Variants in IQCH observed in about 807,000 individuals in gnomAD.
IQCH encodes the protein IQ domain-containing protein H.
In IQCH, 98 loss-of-function variants were observed where a neutral mutation model predicts 117.0. The ratio of observed to expected loss-of-function variants is 0.84; its 90% CI spans 0.71 to 0.99. The LOEUF (loss-of-function observed/expected upper bound fraction) is 0.99, where lower values mean the gene tolerates loss of function less well. IQCH is among the 50% of genes least tolerant of loss of function. The pLI, the probability that IQCH is intolerant of heterozygous loss-of-function variation, is 0.00. For synonymous variants in IQCH, 412 were observed against 448.2 expected, an observed-to-expected ratio of 0.92 and a Z score of 1.02; for missense variants, 1,102 against 1,243.8, an observed-to-expected ratio of 0.89 and a Z score of 1.72.
chr15:67,492,705 G>A (rs1349383858), intron 19 of IQCH, among the ~76,000 whole-genome samples: 1 of 152,144 alleles, frequency 6.6e-6, no homozygotes, highest in Admixed American at 6.5e-5. Flanking sequence ...CGTGTGTCCT[G>A]GAATTGATGG....
rs1252536040 is a variant in IQCH, at chr15:67,385,809, A to G, written c.1456+790A>G. On this transcript the variant is annotated intron_variant, in intron 11 of 20. Transcript: ENST00000335894. This position sits in a 1 kb window ranked among gnomAD's most constrained non-coding sequence, Gnocchi z 4.6. ...AAAATTAGATTTGTATTAGTTACCA[A>G]ATAAGAACTTCTTTGCTTTGTTAAA... 6.6e-6 allele frequency among the ~76,000 whole-genome samples: 1 copy of G among 152,238 alleles called. No individual in the cohort carries two copies. Among genetic ancestry groups the G allele is most frequent in the African/African-American group, 2.4e-5 (1 of 41,464 alleles).
At chr15:67,347,902 G>A (rs1021617285) in intron 6 of IQCH, among the ~76,000 whole-genome samples, 1 of 146,674 alleles carries the variant, frequency 6.8e-6, no homozygotes, top group African/African-American at 2.5e-5. Context: ...TATATATATA[G>A]AGAGAGATTA....
At chr15:67,266,171 C>T (rs1965660474) in intron 3 of IQCH, among the ~76,000 whole-genome samples, 2 of 150,148 alleles carry the variant, frequency 1.3e-5, no homozygotes, top group Admixed American at 6.6e-5. Context: ...ATAGTGAATA[C>T]ATTATAAAAT....
chr15:67,389,925 G>C (rs559544775), intron 12 of IQCH, among the ~76,000 whole-genome samples: 1 of 150,958 alleles, frequency 6.6e-6, no homozygotes, highest in African/African-American at 2.4e-5. Flanking sequence ...AGGCCTGCCA[G>C]GACTGGGGGA....
At chr15:67,371,969 GA>G in intron 8 of IQCH, 141 bp from the exon 9 acceptor site, 1 of 697,366 alleles carries the variant, frequency 1.4e-6, no homozygotes, top group Non-Finnish European at 2.3e-6. Flanking sequence ...TTCGTATTAT[GA>G]CGTGTGTGTT....
At chr15:67,309,648 A>G (rs956589539) in intron 4 of IQCH, among the ~76,000 whole-genome samples, 6 of 151,878 alleles carry the variant, frequency 4.0e-5, no homozygotes, top group African/African-American at 1.2e-4. Flanking sequence ...TGCTGGTACT[A>G]CTGGATTCCT....
Position 67,254,892 on chromosome 15 carries a change from T to C in IQCH, c.-5T>C, listed in dbSNP as rs1596031480. 6.2e-7 allele frequency: 1 copy of C among 1,613,534 alleles called. No individual in the cohort carries two copies. ...CCGCGGAGGTAGCCGTTCCCTGACC[T>C]AGCCATGGCACAGAACACTGAAAAC... On this transcript the variant is annotated 5_prime_UTR_variant, in exon 1 of 21. Transcript: ENST00000335894.
At chr15:67,354,559 G>C (rs1969805124) in intron 6 of IQCH, among the ~76,000 whole-genome samples, 1 of 152,090 alleles carries the variant, frequency 6.6e-6, no homozygotes, top group Admixed American at 6.6e-5. Context: ...ACAAGTCAAG[G>C]ATGATCATTG....
Position 67,496,266 on chromosome 15 carries a change from T to TG in IQCH, c.2970+1903dup. ...TGGGAGGTTGAGGCTGCAGTGAGTC[T>TG]GGGTGATGGGAGTAAGAATAAAAAA... On this transcript the variant is annotated intron_variant, in intron 20 of 20. Coordinates refer to ENST00000335894, the MANE Select transcript of IQCH (RefSeq NM_001031715.3). This position sits in a 1 kb window ranked among gnomAD's most constrained non-coding sequence, Gnocchi z 4.4. Among the ~76,000 whole-genome samples the TG allele has an allele frequency of 6.6e-6, 1 of 152,236 alleles. No homozygotes were observed. Among genetic ancestry groups the TG allele is most frequent in the Middle Eastern group, 3.4e-3 (1 of 294 alleles).
chr15:67,319,931 C>T (rs937366059), intron 4 of IQCH, among the ~76,000 whole-genome samples: 4 of 152,196 alleles, frequency 2.6e-5, no homozygotes, highest in African/African-American at 9.6e-5. Flanking sequence ...TAAAAATTGG[C>T]TTCATTACTA....
At chr15:67,492,702 C>T (rs899087897) in intron 19 of IQCH, among the ~76,000 whole-genome samples, 1 of 152,052 alleles carries the variant, frequency 6.6e-6, no homozygotes, top group African/African-American at 2.4e-5. Context: ...GGACGTGTGT[C>T]CTGGAATTGA....
chr15:67,353,604 C>T (rs1281357275), intron 6 of IQCH, among the ~76,000 whole-genome samples: 1 of 152,094 alleles, frequency 6.6e-6, no homozygotes, highest in African/African-American at 2.4e-5. Context: ...AGGCAATCCG[C>T]CCACCTTGCC....
chr15:67,421,475 T>C lies in IQCH; in HGVS notation c.2403T>C (p.Tyr801=), dbSNP rs745614909. ...CAGTGGATCCCCAAGTTCTCACTTA[T>C]TTGTGCCTCCAAATTGGAAAAGCCT... ...QTSVDPQVLT[Y]LCLQIGKACR... The change falls in exon 16 of 21, where the codon TAT becomes TAC. Residue 801 remains tyrosine, a synonymous_variant. Coordinates refer to ENST00000335894, the MANE Select transcript of IQCH (RefSeq NM_001031715.3). 1.1e-5 allele frequency: 18 copies of C among 1,614,066 alleles called. No homozygotes were observed. The highest frequency in any genetic ancestry group is 3.3e-5 in the Admixed American group (2 of 60,002).
At chr15:67,277,780 G>A (rs1302186686) in intron 3 of IQCH, among the ~76,000 whole-genome samples, 6 of 151,988 alleles carry the variant, frequency 3.9e-5, no homozygotes, top group African/African-American at 7.2e-5. Flanking sequence ...TGATCCACCC[G>A]CCTCAGCCTC....
Position 67,263,219 on chromosome 15 carries a change from A to G in IQCH, c.269+3A>G. ...TATACTCCCCAGGCTTCCAAATGGT[A>G]AGTAAAATAGCCATTTAGAGCCCAA... On this transcript the variant is annotated splice_donor_region_variant and intron_variant, in intron 3 of 20. Coordinates refer to ENST00000335894, the MANE Select transcript of IQCH (RefSeq NM_001031715.3). The G allele has an allele frequency of 1.4e-6, 2 of 1,443,112 alleles. No individual in the cohort carries two copies. Among genetic ancestry groups the G allele is most frequent in the Non-Finnish European group, 1.9e-6 (2 of 1,028,134 alleles). 89.4% of individuals were successfully genotyped at this position (1,443,112 alleles called of 1,614,324 possible).
chr15:67,399,767 A>T (rs1971582901), intron 13 of IQCH, among the ~76,000 whole-genome samples: 1 of 152,232 alleles, frequency 6.6e-6, no homozygotes, highest in South Asian at 2.1e-4. Context: ...TCAATAAGTA[A>T]ATGCATAATT....
intron 8 of IQCH, among the ~76,000 whole-genome samples, chr15:67,363,463 C>T (rs1417000902): frequency 6.6e-6 from 1 of 151,550 alleles, no homozygotes; most frequent in Non-Finnish European, 1.5e-5. Flanking sequence ...TCAGGCTGGT[C>T]TCAAACTCCT....
rs902518246 is a variant in IQCH at position 67,372,664 on chromosome 15, T to C, written c.1305+2T>C. 41 of 1,594,010 alleles carry C rather than the reference T, an allele frequency of 2.6e-5. No individual in the cohort carries two copies. The highest frequency in any genetic ancestry group is 3.2e-5 in the Non-Finnish European group (38 of 1,170,014). ...GAGAATTTTCGCATTCGAGCCAAGG[T>C]GCACAAGGCTGCCAGCTGTTAAGGC... On this transcript the variant is annotated splice_donor_variant, in intron 9 of 20. Coordinates refer to ENST00000335894, the MANE Select transcript of IQCH (RefSeq NM_001031715.3). LOFTEE classifies it high-confidence loss of function.
At chr15:67,295,628 A>G (rs1966847994) in intron 4 of IQCH, among the ~76,000 whole-genome samples, 1 of 151,952 alleles carries the variant, frequency 6.6e-6, no homozygotes, top group Non-Finnish European at 1.5e-5. Flanking sequence ...TGAACAACCT[A>G]CCTCTGGACT....
Sources: gnomAD v4.1 joint callset for allele counts (sites outside exome capture counted in the v4.1 genomes callset) on GRCh38, gnomAD v4.1.1 for gene constraint, Gnocchi (gnomAD v3.1) non-coding constraint, MANE v1.5 for transcripts, NCBI Gene and HGNC (gene_info 2026-07-23, HGNC 2026-07-21) for gene names.